Variants in EPHA6 observed in about 807,000 individuals in gnomAD.
The protein encoded by EPHA6 is EPH receptor A6.
In EPHA6, 50 loss-of-function variants were observed where a neutral mutation model predicts 112.0. That is an observed-to-expected ratio of 0.45 (90% confidence interval 0.36 to 0.56). The LOEUF (loss-of-function observed/expected upper bound fraction) is 0.56, where lower values mean the gene tolerates loss of function less well. Among genes scored for constraint, EPHA6 ranks in the 20% least tolerant of loss-of-function variants. The pLI is 0.00. For synonymous variants in EPHA6, 529 were observed against 490.7 expected (o/e 1.08, Z -1.03); for missense variants, 1,280 against 1,417.4 (o/e 0.90, Z 1.56).
At chr3:96,885,591 G>C (rs2037575749) in intron 2 of EPHA6, among the ~76,000 whole-genome samples, 1 of 151,964 alleles carries the variant, frequency 6.6e-6, no homozygotes, top group Non-Finnish European at 1.5e-5. Context: ...TCATTTGTTA[G>C]TGAGGTTATT....
intron 6 of EPHA6, among the ~76,000 whole-genome samples, chr3:97,445,679 G>T (rs1394447087): frequency 6.7e-6 from 1 of 149,926 alleles, no homozygotes; most frequent in Non-Finnish European, 1.5e-5. Context: ...TTTATAGTAA[G>T]AACAGATATC....
intron 3 of EPHA6, among the ~76,000 whole-genome samples, chr3:97,214,757 A>G (rs1354491171): frequency 1.3e-5 from 2 of 152,104 alleles, no homozygotes; most frequent in Admixed American, 6.6e-5. Context: ...ATAGACTTGG[A>G]TTTGGTGAAT....
At chr3:97,274,920 G>C (rs919612885) in intron 5 of EPHA6, among the ~76,000 whole-genome samples, 3 of 152,216 alleles carry the variant, frequency 2.0e-5, no homozygotes, top group Non-Finnish European at 1.5e-5. Flanking sequence ...GAGTATAGCT[G>C]AAGGAGCCGG....
intron 3 of EPHA6, among the ~76,000 whole-genome samples, chr3:96,999,324 G>A (rs550081334): frequency 3.3e-4 from 50 of 152,052 alleles, no homozygotes; most frequent in African/African-American, 1.1e-3. Context: ...AAGAATTCAA[G>A]TTAGTAATCC....
In EPHA6 at chr3:97,175,507, ATTC is replaced by A. The variant is rs993614473; in HGVS notation, c.1115-50752_1115-50750del. 3.3e-5 allele frequency among the ~76,000 whole-genome samples: 5 copies of A among 152,016 alleles called. No individual in the cohort carries two copies. In the Middle Eastern group the frequency reaches 0.014, roughly 414 times the overall value. ...TAGTATGGACATTTTAACAATATTG[ATTC>A]TTCTAACCCATGAACATGGAATATT... is the stretch of plus-strand genomic sequence containing the variant. On this transcript the variant is annotated intron_variant, in intron 3 of 17. Transcript: ENST00000389672.
intron 2 of EPHA6, among the ~76,000 whole-genome samples, chr3:96,909,779 T>A (rs1407449504): frequency 6.6e-6 from 1 of 152,034 alleles, no homozygotes. Context: ...AAGTGGAACA[T>A]CTTGGTCTAA....
At chr3:97,564,317 T>C (rs2093231512) in intron 11 of EPHA6, among the ~76,000 whole-genome samples, 1 of 152,168 alleles carries the variant, frequency 6.6e-6, no homozygotes, top group African/African-American at 2.4e-5. Context: ...GTAGACCTTT[T>C]CATTGTTGTT....
At chr3:97,600,896 A>G (rs749927406) in intron 12 of EPHA6, among the ~76,000 whole-genome samples, 97 of 151,952 alleles carry the variant, frequency 6.4e-4, no homozygotes, top group Non-Finnish European at 9.7e-4. Context: ...AAGACATGAA[A>G]AATCTTAAAA....
chr3:97,603,655 A>G (rs1389394849), intron 12 of EPHA6, among the ~76,000 whole-genome samples: 1 of 151,972 alleles, frequency 6.6e-6, no homozygotes, highest in Non-Finnish European at 1.5e-5. Flanking sequence ...AACAGAGTGC[A>G]GAAGATACAA....
intron 11 of EPHA6, among the ~76,000 whole-genome samples, chr3:97,586,652 G>A (rs1458007681): frequency 6.6e-6 from 1 of 152,126 alleles, no homozygotes. Flanking sequence ...ATAGGAGACA[G>A]AAGATAGAAA....
chr3:97,265,226 G>A (rs1164744934), intron 5 of EPHA6, among the ~76,000 whole-genome samples: 2 of 152,144 alleles, frequency 1.3e-5, no homozygotes, highest in African/African-American at 4.8e-5. Context: ...GGGACTGGAA[G>A]CCCTCCCTGG....
chr3:97,555,870 TG>T (rs1392963000), intron 11 of EPHA6, among the ~76,000 whole-genome samples: 2 of 152,152 alleles, frequency 1.3e-5, no homozygotes, highest in Non-Finnish European at 2.9e-5. Flanking sequence ...TCTCCCATTT[TG>T]TAGGTTGCCT....
At chr3:97,634,248 C>G (rs1482456639) in intron 13 of EPHA6, among the ~76,000 whole-genome samples, 1 of 152,000 alleles carries the variant, frequency 6.6e-6, no homozygotes, top group Admixed American at 6.6e-5. Context: ...AAAATAAGAC[C>G]TGTAAAAACC....
intron 9 of EPHA6, among the ~76,000 whole-genome samples, chr3:97,482,803 T>G (rs1369932213): frequency 6.6e-6 from 1 of 152,250 alleles, no homozygotes; most frequent in Admixed American, 6.5e-5. Context: ...CCATCCACTC[T>G]GCCACAAATT....
chr3:97,257,600 C>T (rs893789417), intron 5 of EPHA6, among the ~76,000 whole-genome samples: 3 of 151,942 alleles, frequency 2.0e-5, no homozygotes, highest in African/African-American at 4.8e-5. Flanking sequence ...GCAGGAGTAA[C>T]TATAAAATTA....
intron 14 of EPHA6, among the ~76,000 whole-genome samples, chr3:97,714,235 A>G (rs1201687808): frequency 6.6e-6 from 1 of 152,238 alleles, no homozygotes; most frequent in African/African-American, 2.4e-5. Context: ...GATAACATTT[A>G]CTGAGTGTAC....
intron 5 of EPHA6, among the ~76,000 whole-genome samples, chr3:97,255,999 A>G (rs189466962): frequency 7.6e-4 from 115 of 152,244 alleles, no homozygotes; most frequent in African/African-American, 2.6e-3. Context: ...GATGGATGAA[A>G]TGCAAAAAAC....
At chr3:97,633,374 C>G (rs1204405482) in intron 13 of EPHA6, among the ~76,000 whole-genome samples, 1 of 152,034 alleles carries the variant, frequency 6.6e-6, no homozygotes, top group African/African-American at 2.4e-5. Flanking sequence ...CACTCTCTTT[C>G]ATTTGAATCT....
chr3:97,262,616 C>T (rs141823391), intron 5 of EPHA6, among the ~76,000 whole-genome samples: 1 of 152,284 alleles, frequency 6.6e-6, no homozygotes, highest in East Asian at 1.9e-4. Flanking sequence ...TTACTTCTTT[C>T]AGGTCTTTGC....
Sources: allele counts gnomAD v4.1 joint callset (sites outside exome capture counted in the v4.1 genomes callset), GRCh38; gene constraint gnomAD v4.1.1; transcripts MANE v1.5; gene names NCBI Gene and HGNC (gene_info 2026-07-23, HGNC 2026-07-21).